Variants in GATAD2B observed in about 807,000 individuals in gnomAD.
The protein encoded by GATAD2B is transcriptional repressor p66-beta.
Under a neutral mutation model 64.3 loss-of-function variants are expected in GATAD2B, and 8 were observed. The observed-to-expected ratio is 0.12, with a 90% confidence interval of 0.07 to 0.22. The LOEUF (loss-of-function observed/expected upper bound fraction) is 0.22, where lower values mean the gene tolerates loss of function less well. Among genes scored for constraint, GATAD2B ranks in the 10% least tolerant of loss-of-function variants. The pLI, the probability that GATAD2B is intolerant of heterozygous loss-of-function variation, is 1.00. For missense variants in GATAD2B, 453 were observed against 752.0 expected (o/e 0.60, Z 4.65); for synonymous variants, 281 against 271.3 (o/e 1.04, Z -0.35).
intron 1 of GATAD2B, among the ~76,000 whole-genome samples, chr1:153,859,584 C>T (rs1048012780): frequency 6.0e-5 from 9 of 150,470 alleles, no homozygotes; most frequent in Non-Finnish European, 8.9e-5. Context: ...ACAGGAGAAT[C>T]GCTTGAACCC....
chr1:153,913,100 G>A (rs1284215677), intron 1 of GATAD2B, among the ~76,000 whole-genome samples: 1 of 148,248 alleles, frequency 6.7e-6, no homozygotes, highest in Non-Finnish European at 1.5e-5. Flanking sequence ...AAAAAAAATT[G>A]TATTTTTAGT....
intron 1 of GATAD2B, among the ~76,000 whole-genome samples, chr1:153,893,092 C>T (rs1042931253): frequency 1.3e-5 from 2 of 152,114 alleles, no homozygotes; most frequent in African/African-American, 4.8e-5. Flanking sequence ...AGAGGAAAAA[C>T]TTGTCTGGTC....
At chr1:153,839,456 A>G (rs1244839133) in intron 1 of GATAD2B, among the ~76,000 whole-genome samples, 4 of 152,176 alleles carry the variant, frequency 2.6e-5, no homozygotes, top group African/African-American at 4.8e-5. Context: ...CCATCACATC[A>G]GAGAACAGAA....
chr1:153,869,847 C>T (rs1481828129), intron 1 of GATAD2B, among the ~76,000 whole-genome samples: 1 of 152,194 alleles, frequency 6.6e-6, no homozygotes, highest in African/African-American at 2.4e-5. Context: ...CCAAATTGGG[C>T]CAGGTGTGGT....
intron 1 of GATAD2B, among the ~76,000 whole-genome samples, chr1:153,920,494 T>C (rs570468251): frequency 2.5e-4 from 38 of 152,354 alleles, no homozygotes; most frequent in Non-Finnish European, 4.6e-4. Flanking sequence ...GAATTTAGAT[T>C]TGAAGGGCTG....
chr1:153,831,093 C>G (rs1675063749), intron 1 of GATAD2B, among the ~76,000 whole-genome samples: 2 of 152,164 alleles, frequency 1.3e-5, no homozygotes, highest in Admixed American at 1.3e-4. Flanking sequence ...ACCCAAACTT[C>G]TGAATTTTGG....
At chr1:153,817,931 A>G (rs899113781) in intron 5 of GATAD2B, 109 bp downstream of exon 5, 2 of 932,134 alleles carry the variant, frequency 2.1e-6, no homozygotes, top group Non-Finnish European at 3.2e-6. Flanking sequence ...CAGTAGTAAT[A>G]ACACCTCTAT....
rs187422308 is a variant in GATAD2B, at chr1:153,846,857, C to A, written c.-1-18509G>T. Among the ~76,000 whole-genome samples the A allele has an allele frequency of 1.0e-3, 154 of 152,174 alleles. 1 individual carries two copies. The highest frequency in any genetic ancestry group is 3.5e-3 in the Admixed American group (53 of 15,280). On this transcript the variant is annotated intron_variant, in intron 1 of 10. Coordinates refer to ENST00000368655, the MANE Select transcript of GATAD2B (RefSeq NM_020699.4). ...TACAGGCGTGAGCCACCGCACCTGG[C>A]CCTTCTTGCTCTTTTATGCCTTCTA...
At chr1:153,905,052 G>A (rs1046172025) in intron 1 of GATAD2B, among the ~76,000 whole-genome samples, 3 of 151,862 alleles carry the variant, frequency 2.0e-5, no homozygotes, top group Non-Finnish European at 4.4e-5. Context: ...CTATATGTTG[G>A]CCAGGCTGGT....
At chr1:153,872,678 A>T (rs1676709170) in intron 1 of GATAD2B, among the ~76,000 whole-genome samples, 1 of 152,324 alleles carries the variant, frequency 6.6e-6, no homozygotes, top group South Asian at 2.1e-4. Flanking sequence ...GTTTTCCTTG[A>T]AAATTTTCAA....
intron 1 of GATAD2B, chr1:153,852,872 G>C: frequency 1.3e-6 from 1 of 775,370 alleles, no homozygotes; most frequent in East Asian, 2.4e-5. Context: ...CCTACCAAGA[G>C]CTCTGATTTG....
intron 1 of GATAD2B, among the ~76,000 whole-genome samples, chr1:153,882,637 T>C (rs752696821): frequency 3.9e-5 from 6 of 152,206 alleles, no homozygotes; most frequent in Non-Finnish European, 8.8e-5. Flanking sequence ...AGCCCAGCCA[T>C]AGTATGATTG....
chr1:153,849,938 A>T (rs1007711536), intron 1 of GATAD2B, among the ~76,000 whole-genome samples: 1 of 152,026 alleles, frequency 6.6e-6, no homozygotes, highest in Non-Finnish European at 1.5e-5. Context: ...GGCTGTATTT[A>T]ATCCTTTTAA....
intron 1 of GATAD2B, among the ~76,000 whole-genome samples, chr1:153,833,957 AG>A (rs1675171554): frequency 1.3e-5 from 2 of 151,626 alleles, no homozygotes; most frequent in Non-Finnish European, 2.9e-5. Context: ...TGGGCAACAC[AG>A]TAAGACCCTG....
chr1:153,846,630 C>T (rs1171701906), intron 1 of GATAD2B, among the ~76,000 whole-genome samples: 3 of 146,336 alleles, frequency 2.1e-5, no homozygotes, highest in Non-Finnish European at 4.5e-5. Flanking sequence ...CGCGCGATCT[C>T]GGCTCACTGC....
chr1:153,904,254 T>C (rs1276572418), intron 1 of GATAD2B, among the ~76,000 whole-genome samples: 1 of 151,740 alleles, frequency 6.6e-6, no homozygotes, highest in African/African-American at 2.4e-5. Flanking sequence ...CACTCCAGCC[T>C]GGGTGAAACA....
chr1:153,810,843 A>T (rs765970762), intron 10 of GATAD2B, among the ~76,000 whole-genome samples: 17 of 150,808 alleles, frequency 1.1e-4, no homozygotes, highest in Non-Finnish European at 2.4e-4. Flanking sequence ...AGCTCACTGC[A>T]AGCCCCACCT....
At chr1:153,841,124 C>CA (rs941317761) in intron 1 of GATAD2B, among the ~76,000 whole-genome samples, 2,573 of 76,948 alleles carry the variant, frequency 0.033, 87 homozygotes, top group African/African-American at 0.11. Flanking sequence ...GACTCCGTCT[C>CA]AAAAAAAAAA....
At chr1:153,860,924 C>T (rs977251384) in intron 1 of GATAD2B, among the ~76,000 whole-genome samples, 9 of 152,208 alleles carry the variant, frequency 5.9e-5, no homozygotes, top group African/African-American at 9.6e-5. Context: ...TCATAAACCA[C>T]GGGGCCCAGC....
Sources: allele counts gnomAD v4.1 joint callset (sites outside exome capture counted in the v4.1 genomes callset), GRCh38; gene constraint gnomAD v4.1.1; transcripts MANE v1.5; gene names NCBI Gene and HGNC (gene_info 2026-07-23, HGNC 2026-07-21).